NALF1: variants seen among roughly 807,000 people sequenced by gnomAD.
NALF1 encodes the protein family with sequence similarity 155 member A.
NALF1 carries 3 observed loss-of-function variants against 48.4 expected under a neutral mutation model. The ratio of observed to expected loss-of-function variants is 0.06; its 90% CI spans 0.03 to 0.16. The LOEUF (loss-of-function observed/expected upper bound fraction) is 0.16, where lower values mean the gene tolerates loss of function less well. Among genes scored for constraint, NALF1 ranks in the 10% least tolerant of loss-of-function variants. The pLI is 1.00. For synonymous variants in NALF1, 262 were observed against 245.7 expected, an observed-to-expected ratio of 1.07 and a Z score of -0.62; for missense variants, 526 against 571.5, an observed-to-expected ratio of 0.92 and a Z score of 0.81.
chr13:107,328,128 G>C (rs1037488578), intron 1 of NALF1, among the ~76,000 whole-genome samples: 2 of 152,100 alleles, frequency 1.3e-5, no homozygotes, highest in South Asian at 2.1e-4. Context: ...CCAGTGCCCA[G>C]GCTGATCCTG....
At chr13:107,666,711 C>CTCAT (rs1175693084) in intron 1 of NALF1, among the ~76,000 whole-genome samples, 1 of 151,516 alleles carries the variant, frequency 6.6e-6, no homozygotes, top group Non-Finnish European at 1.5e-5. Context: ...TCCACATCAT[C>CTCAT]TCATTCCTTC....
chr13:107,703,390 T>A (rs9520556), intron 1 of NALF1, among the ~76,000 whole-genome samples: 107,038 of 141,628 alleles, frequency 0.76, 41,632 homozygotes, highest in Non-Finnish European at 0.85. Context: ...TTGGACAGAG[T>A]CTCGCACTGT....
At chr13:107,372,329 C>T (rs975467764) in intron 1 of NALF1, among the ~76,000 whole-genome samples, 3 of 152,214 alleles carry the variant, frequency 2.0e-5, no homozygotes, top group East Asian at 1.9e-4. Context: ...GTAAGATATG[C>T]CATGCCTCTA....
intron 1 of NALF1, among the ~76,000 whole-genome samples, chr13:107,439,670 C>T (rs1806623389): frequency 6.6e-6 from 1 of 152,152 alleles, no homozygotes; most frequent in Non-Finnish European, 1.5e-5. Context: ...GAAAAACTCT[C>T]AAATTTCTTG....
chr13:107,647,630 T>A (rs1189284982), intron 1 of NALF1, among the ~76,000 whole-genome samples: 4 of 152,136 alleles, frequency 2.6e-5, no homozygotes, highest in Non-Finnish European at 4.4e-5. Flanking sequence ...GAATTAGTAA[T>A]GTCCTCCGGT....
intron 1 of NALF1, among the ~76,000 whole-genome samples, chr13:107,762,123 G>A (rs1594249769): frequency 6.6e-6 from 1 of 151,978 alleles, no homozygotes; most frequent in African/African-American, 2.4e-5. Flanking sequence ...CAGTTATTCA[G>A]GCAATTAATA....
chr13:107,249,787 G>C (rs1477757917), intron 1 of NALF1, among the ~76,000 whole-genome samples: 1 of 151,976 alleles, frequency 6.6e-6, no homozygotes, highest in Non-Finnish European at 1.5e-5. Flanking sequence ...TGTTCTATAA[G>C]ATTTTCTTTT....
chr13:107,786,392 G>A lies in NALF1; in HGVS notation c.915+79290C>T, dbSNP rs913495835. On this transcript the variant is annotated intron_variant, in intron 1 of 2. Transcript: ENST00000375915. ...AATCGCACCATTGCACTCCAGCCTG[G>A]GCAACAAGAGCGAAACTCTTTCTCA... Among the ~76,000 whole-genome samples, 5 of 135,226 alleles carry A rather than the reference G, an allele frequency of 3.7e-5. No homozygotes were observed. In the South Asian group the frequency reaches 1.0e-3, roughly 28 times the overall value. The allele number at this position is 135,226 out of a possible 152,430, so 88.7% of individuals were successfully genotyped here. A position where few individuals can be genotyped will look rare whatever the true frequency, so the allele number is the denominator to read the frequency against.
chr13:107,482,495 T>C (rs1329866733), intron 1 of NALF1, among the ~76,000 whole-genome samples: 2 of 152,112 alleles, frequency 1.3e-5, no homozygotes, highest in Admixed American at 6.6e-5. Flanking sequence ...CAGATATAGT[T>C]TGGTGAGCAT....
At chr13:107,203,591 C>G (rs1278105572) in intron 2 of NALF1, among the ~76,000 whole-genome samples, 3 of 139,476 alleles carry the variant, frequency 2.2e-5, no homozygotes, top group Non-Finnish European at 3.1e-5. Flanking sequence ...GGACAGCCAT[C>G]AGGTGCTGTG....
chr13:107,336,729 A>T (rs147842592), intron 1 of NALF1, among the ~76,000 whole-genome samples: 2 of 152,172 alleles, frequency 1.3e-5, no homozygotes, highest in African/African-American at 4.8e-5. Flanking sequence ...TCTTATTAGG[A>T]AATGATCCTG....
chr13:107,864,049 T>C (rs1445384181), intron 1 of NALF1, among the ~76,000 whole-genome samples: 1 of 152,202 alleles, frequency 6.6e-6, no homozygotes, highest in African/African-American at 2.4e-5. Flanking sequence ...TTAGAAGACG[T>C]AGAGTTTCCT....
At chr13:107,474,656 T>C (rs1265529521) in intron 1 of NALF1, among the ~76,000 whole-genome samples, 2 of 152,200 alleles carry the variant, frequency 1.3e-5, no homozygotes, top group African/African-American at 4.8e-5. Context: ...TCAATGTATC[T>C]GCAGGCTTGA....
intron 1 of NALF1, among the ~76,000 whole-genome samples, chr13:107,228,106 G>A (rs774539345): frequency 6.6e-6 from 1 of 152,080 alleles, no homozygotes; most frequent in Non-Finnish European, 1.5e-5. Context: ...GGTTAATTTC[G>A]ATTAACAATT....
chr13:107,794,817 G>A (rs532417403), intron 1 of NALF1, among the ~76,000 whole-genome samples: 3 of 152,160 alleles, frequency 2.0e-5, no homozygotes, highest in South Asian at 2.1e-4. Flanking sequence ...TAATGTGAAC[G>A]TTTGTACAAT....
chr13:107,326,257 G>A (rs896698587), intron 1 of NALF1, among the ~76,000 whole-genome samples: 2 of 151,980 alleles, frequency 1.3e-5, no homozygotes, highest in African/African-American at 4.8e-5. Context: ...TAATGGAGAT[G>A]AGACCTGCTT....
chr13:107,549,772 A>T (rs976947601), intron 1 of NALF1, among the ~76,000 whole-genome samples: 9 of 152,132 alleles, frequency 5.9e-5, no homozygotes, highest in Non-Finnish European at 1.0e-4. Context: ...ATATTGTTAA[A>T]TTTTATTATC....
At chr13:107,501,820 A>G (rs1875534584) in intron 1 of NALF1, among the ~76,000 whole-genome samples, 1 of 152,202 alleles carries the variant, frequency 6.6e-6, no homozygotes, top group Admixed American at 6.5e-5. Flanking sequence ...GCAACAACTA[A>G]CAATTTATTT....
intron 1 of NALF1, among the ~76,000 whole-genome samples, chr13:107,587,387 A>G (rs1402687649): frequency 3.9e-5 from 6 of 152,202 alleles, no homozygotes; most frequent in Non-Finnish European, 7.3e-5. Flanking sequence ...GCTAAACTAT[A>G]TCTTTCAGGG....
Sources: gnomAD v4.1 joint callset for allele counts (sites outside exome capture counted in the v4.1 genomes callset) on GRCh38, gnomAD v4.1.1 for gene constraint, MANE v1.5 for transcripts, NCBI Gene and HGNC (gene_info 2026-07-23, HGNC 2026-07-21) for gene names.